Variants in CATSPERT observed in about 807,000 individuals in gnomAD.
CATSPERT encodes catsper channel auxiliary subunit tau.
chr2:201,543,093 A>G, the CATSPERT span, among the ~76,000 whole-genome samples: 14 of 152,172 alleles, frequency 9.2e-5, no homozygotes, highest in Non-Finnish European at 2.1e-4. Context: ...TCCCAACACC[A>G]TTTGCTGAAA....
At chr2:201,562,931 C>G in the CATSPERT span, among the ~76,000 whole-genome samples, 3,812 of 144,548 alleles carry the variant, frequency 0.026, 76 homozygotes, top group African/African-American at 0.06. Context: ...ACACAGACAC[C>G]GCAACCATCC....
chr2:201,508,610 G>A, the CATSPERT span, among the ~76,000 whole-genome samples: 1 of 152,280 alleles, frequency 6.6e-6, no homozygotes, highest in South Asian at 2.1e-4. Flanking sequence ...TGGGTGTGGC[G>A]GCCCATGCCT....
At chr2:201,493,394 C>T in the CATSPERT span, 11 of 1,536,832 alleles carry the variant, frequency 7.2e-6, no homozygotes, top group South Asian at 4.8e-5. Context: ...GGTTCTGTCT[C>T]GCTTCTGATT....
At chr2:201,606,235 T>TC in the CATSPERT span, among the ~76,000 whole-genome samples, 2 of 152,212 alleles carry the variant, frequency 1.3e-5, no homozygotes, top group Non-Finnish European at 2.9e-5. Context: ...AATGATCAAC[T>TC]CCAAGATGTG....
chr2:201,612,559 G>A, the CATSPERT span, among the ~76,000 whole-genome samples: 1 of 127,692 alleles, frequency 7.8e-6, no homozygotes, highest in Non-Finnish European at 1.6e-5. Flanking sequence ...GGGGGAGGGC[G>A]ACAGAATGAG....
the CATSPERT span, chr2:201,552,985 G>C: frequency 1.3e-5 from 2 of 152,060 alleles, no homozygotes; most frequent in Admixed American, 1.3e-4. Context: ...ATTTTATTAT[G>C]TGTAGGTCTA....
the CATSPERT span, among the ~76,000 whole-genome samples, chr2:201,508,142 T>C: frequency 2.4e-4 from 37 of 152,350 alleles, 1 homozygote; most frequent in East Asian, 7.1e-3. Flanking sequence ...TTGCAAATTA[T>C]AGAAACTAAC....
chr2:201,539,968 C>T, the CATSPERT span, among the ~76,000 whole-genome samples: 1 of 152,108 alleles, frequency 6.6e-6, no homozygotes, highest in Non-Finnish European at 1.5e-5. Flanking sequence ...TGCTACTCCA[C>T]ACACAAATGA....
the CATSPERT span, among the ~76,000 whole-genome samples, chr2:201,526,428 C>A: frequency 3.3e-5 from 5 of 151,906 alleles, no homozygotes; most frequent in East Asian, 9.6e-4. Flanking sequence ...TGAGGCAGGA[C>A]AATCGCTTGA....
At chr2:201,502,618 A>G in the CATSPERT span, among the ~76,000 whole-genome samples, 1 of 151,294 alleles carries the variant, frequency 6.6e-6, no homozygotes, top group South Asian at 2.1e-4. Flanking sequence ...TCCTCTGTAA[A>G]TATTTCTTAT....
the CATSPERT span, among the ~76,000 whole-genome samples, chr2:201,528,080 AAAC>A: frequency 1.1e-4 from 14 of 129,980 alleles, no homozygotes; most frequent in Non-Finnish European, 1.9e-4. Flanking sequence ...AAAAAAAAAA[AAAC>A]ATTAAAAAGT....
At chr2:201,598,047 T>G in the CATSPERT span, among the ~76,000 whole-genome samples, 1 of 152,176 alleles carries the variant, frequency 6.6e-6, no homozygotes, top group Admixed American at 6.6e-5. Context: ...AAGAAACAAC[T>G]TTTTTCTTAC....
chr2:201,524,143 A>G, the CATSPERT span, among the ~76,000 whole-genome samples: 1 of 152,164 alleles, frequency 6.6e-6, no homozygotes, highest in South Asian at 2.1e-4. Context: ...AGACATATAG[A>G]TGACCATCCC....
At chr2:201,510,718 A>G in the CATSPERT span, among the ~76,000 whole-genome samples, 1 of 152,180 alleles carries the variant, frequency 6.6e-6, no homozygotes, top group Non-Finnish European at 1.5e-5. Flanking sequence ...AAAAAAAATC[A>G]TAGATAGATT....
At chr2:201,522,223 C>T in the CATSPERT span, among the ~76,000 whole-genome samples, 2 of 152,184 alleles carry the variant, frequency 1.3e-5, no homozygotes, top group East Asian at 1.9e-4. Flanking sequence ...TCAAATTATC[C>T]CTGTTTGCAG....
At chr2:201,601,317 G>GTGTGTGTGTGTGTGT in the CATSPERT span, among the ~76,000 whole-genome samples, 2 of 128,060 alleles carry the variant, frequency 1.6e-5, no homozygotes, top group East Asian at 4.6e-4. Flanking sequence ...TGTGTGTGTG[G>GTGTGTGTGTGTGTGT]GTTGTAATAA....
chr2:201,582,003 A>T, the CATSPERT span: 8 of 1,452,692 alleles, frequency 5.5e-6, no homozygotes, highest in Non-Finnish European at 7.4e-6. Context: ...GATAATAAAC[A>T]AAAAAAGCCC....
At chr2:201,596,072 TG>T in the CATSPERT span, among the ~76,000 whole-genome samples, 1 of 152,234 alleles carries the variant, frequency 6.6e-6, no homozygotes. Flanking sequence ...ATCCCATTAC[TG>T]GGTATATACC....
chr2:201,605,133 C>T, the CATSPERT span, among the ~76,000 whole-genome samples: 1 of 151,764 alleles, frequency 6.6e-6, no homozygotes, highest in African/African-American at 2.4e-5. Flanking sequence ...TATACATGCA[C>T]ATGCACACAC....
Sources: gnomAD v4.1 joint callset for allele counts (sites outside exome capture counted in the v4.1 genomes callset) on GRCh38, gnomAD v4.1.1 for gene constraint, MANE v1.5 for transcripts, NCBI Gene and HGNC (gene_info 2026-07-23, HGNC 2026-07-21) for gene names.